TCF7L2: variants seen among roughly 807,000 people sequenced by gnomAD.
The protein encoded by TCF7L2 is transcription factor 7 like 2.
In TCF7L2, 23 loss-of-function variants were observed where a neutral mutation model predicts 77.9. The ratio of observed to expected loss-of-function variants is 0.30; its 90% CI spans 0.21 to 0.42. The LOEUF is 0.42. Ranked by LOEUF, TCF7L2 falls within the 10% of genes least tolerant of loss-of-function variation. The probability of loss-of-function intolerance (pLI) is 1.00; values close to 1 mark genes in which losing one functional copy is unlikely to be tolerated. For synonymous variants in TCF7L2, 413 were observed against 340.2 expected (o/e 1.21, Z -2.36); for missense variants, 654 against 793.1 (o/e 0.82, Z 2.11).
intron 4 of TCF7L2, among the ~76,000 whole-genome samples, chr10:112,966,279 G>A (rs1022704095): frequency 6.7e-6 from 1 of 149,932 alleles, no homozygotes; most frequent in African/African-American, 2.5e-5. Context: ...GGGGGAAAGT[G>A]TGACTCTTGA....
intron 4 of TCF7L2, among the ~76,000 whole-genome samples, chr10:113,011,738 G>A (rs1461440948): frequency 1.3e-5 from 2 of 152,152 alleles, no homozygotes; most frequent in East Asian, 1.9e-4. Flanking sequence ...ACCACCTTGA[G>A]TATTGCTTTT....
intron 5 of TCF7L2, among the ~76,000 whole-genome samples, chr10:113,047,083 A>G (rs1046070765): frequency 5.9e-5 from 9 of 152,102 alleles, no homozygotes; most frequent in African/African-American, 2.2e-4. Flanking sequence ...GGGTCTTTAG[A>G]TTGTCTCCTT....
rs1218635481 is a variant in TCF7L2, at chr10:113,141,034, T to C, written c.553-150T>C. 1.2e-5 allele frequency: 11 copies of C among 888,252 alleles called. No individual in the cohort carries two copies. In the South Asian group the frequency reaches 1.7e-4, roughly 14 times the overall value. 55.0% of individuals were successfully genotyped at this position (888,252 alleles called of 1,614,324 possible). A position where few individuals can be genotyped will look rare whatever the true frequency, so the allele number is the denominator to read the frequency against. ...AACTATCTATTATTTTCACATGGAC[T>C]GGGGGGAGTATGGGATGGGCAGAGT... On this transcript the variant is annotated intron_variant, in intron 5 of 13. Transcript: ENST00000627217.
At chr10:113,124,020 G>A (rs930002167) in intron 5 of TCF7L2, among the ~76,000 whole-genome samples, 2 of 152,150 alleles carry the variant, frequency 1.3e-5, no homozygotes, top group Admixed American at 6.5e-5. Flanking sequence ...TGTTTTCAGC[G>A]ATTTTACTGG....
At chr10:113,100,153 G>A (rs2061475772) in intron 5 of TCF7L2, among the ~76,000 whole-genome samples, 2 of 152,186 alleles carry the variant, frequency 1.3e-5, no homozygotes, top group Non-Finnish European at 2.9e-5. Flanking sequence ...ATGTCTTCCA[G>A]GTGGGAGAAG....
At chr10:113,135,151 C>T (rs950626258) in intron 5 of TCF7L2, among the ~76,000 whole-genome samples, 1 of 152,184 alleles carries the variant, frequency 6.6e-6, no homozygotes, top group Non-Finnish European at 1.5e-5. Context: ...ATCAGTCTTT[C>T]ACTTGCCAAG....
intron 8 of TCF7L2, among the ~76,000 whole-genome samples, chr10:113,149,359 T>C (rs145605354): frequency 8.7e-4 from 133 of 152,334 alleles, no homozygotes; most frequent in Admixed American, 2.5e-3. Flanking sequence ...TTGTTGTTAT[T>C]TTTAAAATCA....
At chr10:113,082,440 C>A (rs1480853692) in intron 5 of TCF7L2, among the ~76,000 whole-genome samples, 2 of 152,070 alleles carry the variant, frequency 1.3e-5, no homozygotes, top group Admixed American at 6.6e-5. Context: ...CACTTTCCCC[C>A]CCACAGGAAA....
chr10:113,000,084 G>A (rs2044202929), intron 4 of TCF7L2, among the ~76,000 whole-genome samples: 1 of 152,182 alleles, frequency 6.6e-6, no homozygotes, highest in Non-Finnish European at 1.5e-5. Flanking sequence ...TTAGGATATT[G>A]AAGGCTCTGA....
rs757187566 is a variant in TCF7L2 at position 113,152,440 on chromosome 10, T to C, written c.1269T>C (p.Tyr423=). 7 of 1,611,100 alleles carry C rather than the reference T, an allele frequency of 4.3e-6. No individual in the cohort carries two copies. The highest frequency in any genetic ancestry group is 5.9e-6 in the Non-Finnish European group (7 of 1,177,910). Reference sequence around the variant, plus strand: ...CCGGCTGGTCCGCGCGGGATAACTATGTAGGTGGATCATTTTCGTTAGGAT... The same window carrying C: ...CCGGCTGGTCCGCGCGGGATAACTACGTAGGTGGATCATTTTCGTTAGGAT... The change falls in exon 11 of 14, where the codon TAT becomes TAC. Residue 423 remains tyrosine (Y), a splice_region_variant and synonymous_variant. Transcript: ENST00000627217.
chr10:113,073,762 T>A (rs1194956783), intron 5 of TCF7L2, among the ~76,000 whole-genome samples: 1 of 151,904 alleles, frequency 6.6e-6, no homozygotes, highest in Admixed American at 6.6e-5. Flanking sequence ...CCGATCTCCT[T>A]TTTTATTTGC....
intron 12 of TCF7L2, 103 bp downstream of exon 12, chr10:113,158,172 A>G: frequency 1.6e-6 from 2 of 1,253,262 alleles, no homozygotes; most frequent in Non-Finnish European, 2.3e-6. Flanking sequence ...CAAGGCCAGG[A>G]CATTGTGGGG....
At chr10:113,010,888 C>T (rs948942467) in intron 4 of TCF7L2, among the ~76,000 whole-genome samples, 4 of 152,134 alleles carry the variant, frequency 2.6e-5, no homozygotes, top group African/African-American at 7.2e-5. Context: ...TGGTGGTGTG[C>T]ACCTGTAGTC....
At chr10:113,160,107 G>A in intron 12 of TCF7L2, 115 bp downstream of exon 14, 2 of 896,104 alleles carry the variant, frequency 2.2e-6, no homozygotes, top group South Asian at 1.7e-5. Context: ...GGAGACACAG[G>A]GGAGTGGGAC....
At chr10:112,998,040 T>C (rs1442956925) in intron 4 of TCF7L2, among the ~76,000 whole-genome samples, 1 of 151,418 alleles carries the variant, frequency 6.6e-6, no homozygotes, top group Admixed American at 6.6e-5. Context: ...TGATTTACTA[T>C]AGAAGATGCA....
rs2074012388 is a variant in TCF7L2 at position 113,165,829 on chromosome 10, C to T, written c.1666C>T (p.Leu556=). ...CTCCGCCCTCTGTCCCAACGGGGCC[C>T]TGGACCTGCCCCCAGCCGCTTTGCA... The change falls in exon 14 of 14, where the codon CTG becomes TTG. Residue 556 remains leucine, a synonymous_variant. Coordinates refer to ENST00000627217, the MANE Select transcript of TCF7L2 (RefSeq NM_001146274.2). The T allele has an allele frequency of 1.2e-6, 2 of 1,606,884 alleles. No individual in the cohort carries two copies. Among genetic ancestry groups the T allele is most frequent in the Non-Finnish European group, 1.7e-6 (2 of 1,175,782 alleles).
At chr10:113,160,484 G>T in intron 12 of TCF7L2, 1 of 612,210 alleles carries the variant, frequency 1.6e-6, no homozygotes. Context: ...TTCCTTTCAT[G>T]TCCTTGGTGA....
intron 3 of TCF7L2, among the ~76,000 whole-genome samples, chr10:112,957,506 G>T (rs917634267): frequency 1.3e-5 from 2 of 152,078 alleles, no homozygotes; most frequent in Non-Finnish European, 2.9e-5. Context: ...GCGGGAGGAG[G>T]CACAGAAAAG....
At chr10:112,985,132 A>G (rs577984709) in intron 4 of TCF7L2, among the ~76,000 whole-genome samples, 2 of 152,306 alleles carry the variant, frequency 1.3e-5, no homozygotes, top group East Asian at 1.9e-4. Flanking sequence ...TGATTACTTT[A>G]TTGGAAAGGA....
Sources: gnomAD v4.1 joint callset for allele counts (sites outside exome capture counted in the v4.1 genomes callset) on GRCh38, gnomAD v4.1.1 for gene constraint, MANE v1.5 for transcripts, NCBI Gene and HGNC (gene_info 2026-07-23, HGNC 2026-07-21) for gene names.